The following DAB1 variants were observed in gnomAD, a reference collection of about 807,000 sequenced individuals.
The protein encoded by DAB1 is DAB adaptor protein 1.
Under a neutral mutation model 64.6 loss-of-function variants are expected in DAB1, and 15 were observed. The ratio of observed to expected loss-of-function variants is 0.23; its 90% CI spans 0.16 to 0.36. DAB1 has a LOEUF of 0.36. DAB1 is among the 10% of genes least tolerant of loss of function. The probability of loss-of-function intolerance (pLI) is 1.00; values close to 1 mark genes in which losing one functional copy is unlikely to be tolerated. For missense variants in DAB1, 596 were observed against 706.7 expected, an observed-to-expected ratio of 0.84 and a Z score of 1.78; for synonymous variants, 235 against 251.9, an observed-to-expected ratio of 0.93 and a Z score of 0.64.
chr1:58,019,214 A>C (rs1233077290), intron 5 of DAB1, among the ~76,000 whole-genome samples: 1 of 152,236 alleles, frequency 6.6e-6, no homozygotes, highest in Non-Finnish European at 1.5e-5. Context: ...CTACCAGAGC[A>C]ATTCATATTT....
At chr1:58,330,429 T>C (rs1208762204) in intron 4 of DAB1, among the ~76,000 whole-genome samples, 1 of 152,236 alleles carries the variant, frequency 6.6e-6, no homozygotes, top group Non-Finnish European at 1.5e-5. Context: ...CTGCAGCAAG[T>C]TCTTCAGAAG....
intron 4 of DAB1, among the ~76,000 whole-genome samples, chr1:58,300,620 G>A (rs868378194): frequency 0.013 from 533 of 42,058 alleles, 10 homozygotes; most frequent in East Asian, 0.018. Flanking sequence ...AAGAGAGAGA[G>A]AGAGAGAGAG....
intron 7 of DAB1, among the ~76,000 whole-genome samples, chr1:57,535,487 T>TC (rs1644715749): frequency 7.2e-6 from 1 of 138,534 alleles, no homozygotes; most frequent in Non-Finnish European, 1.5e-5. Context: ...TTTTTTTTTT[T>TC]GGAGACTGTG....
chr1:57,898,318 G>C (rs1644422032), intron 5 of DAB1, among the ~76,000 whole-genome samples: 1 of 152,042 alleles, frequency 6.6e-6, no homozygotes, highest in Admixed American at 6.6e-5. Flanking sequence ...CAATGGCTGG[G>C]ATTTTTCCAT....
intron 6 of DAB1, among the ~76,000 whole-genome samples, chr1:57,651,873 C>T (rs563404344): frequency 1.2e-4 from 19 of 152,248 alleles, no homozygotes; most frequent in Admixed American, 3.3e-4. Flanking sequence ...CATATCAGTG[C>T]GAAAATTACG....
rs1646969702 is a variant in DAB1 at position 57,031,672 on chromosome 1, T to C, written c.724-5629A>G. Among the ~76,000 whole-genome samples, 2 of 152,206 alleles carry C rather than the reference T, an allele frequency of 1.3e-5. 1 individual carries two copies. Among genetic ancestry groups the C allele is most frequent in the Non-Finnish European group, 2.9e-5 (2 of 68,036 alleles). On this transcript the variant is annotated intron_variant, in intron 9 of 14. Coordinates refer to ENST00000371236, the MANE Select transcript of DAB1 (RefSeq NM_001365792.1). ...ATCGATCCATCACTTTACCAAACCT[T>C]AGTTAGCCTTGCTAAATAGTGGAAG... is the stretch of plus-strand genomic sequence containing the variant.
chr1:57,822,983 A>ATTTT (rs71246208), downstream of DAB1, among the ~76,000 whole-genome samples: 1 of 131,280 alleles, frequency 7.6e-6, no homozygotes, highest in African/African-American at 2.9e-5. Flanking sequence ...TAATTTAGGA[A>ATTTT]TTTTTTTTTT....
intron 1 of DAB1, among the ~76,000 whole-genome samples, chr1:57,383,756 T>A (rs1185626259): frequency 6.6e-6 from 1 of 152,182 alleles, no homozygotes; most frequent in East Asian, 1.9e-4. Context: ...AAAAATTACC[T>A]CAAAATGGCT....
At chr1:57,077,535 AT>A (rs1652101225) in intron 4 of DAB1, among the ~76,000 whole-genome samples, 1 of 152,226 alleles carries the variant, frequency 6.6e-6, no homozygotes, top group South Asian at 2.1e-4. Flanking sequence ...ATTCAGGTTA[AT>A]TCATAACATT....
rs549235113 is a variant in DAB1, at chr1:57,302,296, G to T, written c.-136-11130C>A. ...TCCGGATTTGTGAATGTATTTATTG[G>T]AACCATCTCACAAAAACGTAAAAAT... On this transcript the variant is annotated intron_variant, in intron 1 of 14. Transcript: ENST00000371236. Among the ~76,000 whole-genome samples, 4 of 152,086 alleles carry T rather than the reference G, an allele frequency of 2.6e-5. No homozygotes were observed. The East Asian group carries it at 7.7e-4, about 29-fold the overall frequency.
At chr1:57,725,376 C>T (rs1338387744) in intron 6 of DAB1, among the ~76,000 whole-genome samples, 3 of 152,158 alleles carry the variant, frequency 2.0e-5, no homozygotes, top group South Asian at 2.1e-4. Context: ...CCCACCAACC[C>T]GGAGTCGTGA....
intron 6 of DAB1, among the ~76,000 whole-genome samples, chr1:57,809,741 A>G (rs1381685292): frequency 1.3e-5 from 2 of 152,204 alleles, no homozygotes; most frequent in Admixed American, 1.3e-4. Flanking sequence ...ATGGAAAACA[A>G]AAATCTACGA....
intron 6 of DAB1, among the ~76,000 whole-genome samples, chr1:57,719,829 A>T (rs2101756798): frequency 6.6e-6 from 1 of 152,348 alleles, no homozygotes; most frequent in Non-Finnish European, 1.5e-5. Flanking sequence ...GTGAATGAGA[A>T]ATACCATGAG....
intron 1 of DAB1, among the ~76,000 whole-genome samples, chr1:57,400,940 C>T (rs181995697): frequency 3.3e-5 from 5 of 150,226 alleles, no homozygotes; most frequent in African/African-American, 9.8e-5. Context: ...CTTTCCCAGA[C>T]GCCATGCAAA....
intron 3 of DAB1, among the ~76,000 whole-genome samples, chr1:58,420,278 G>T (rs562086688): frequency 6.6e-6 from 1 of 152,242 alleles, no homozygotes; most frequent in East Asian, 1.9e-4. Flanking sequence ...GCTGGCTCCA[G>T]TAATATTCTC....
intron 4 of DAB1, among the ~76,000 whole-genome samples, chr1:58,247,356 C>T (rs1253542828): frequency 6.0e-5 from 9 of 151,256 alleles, no homozygotes; most frequent in African/African-American, 2.2e-4. Context: ...AAAAAAAACA[C>T]CTCCTCCAAA....
chr1:57,831,782 A>G (rs1264589198), intron 1 of DAB1, among the ~76,000 whole-genome samples: 1 of 152,042 alleles, frequency 6.6e-6, no homozygotes, highest in African/African-American at 2.4e-5. Flanking sequence ...GGCTCAAGTA[A>G]TCCTTCAACC....
chr1:58,385,188 A>G (rs1644422844), intron 3 of DAB1, among the ~76,000 whole-genome samples: 2 of 152,226 alleles, frequency 1.3e-5, no homozygotes, highest in Non-Finnish European at 2.9e-5. Context: ...TGGTAGCAGG[A>G]GTGTATACAT....
At chr1:57,016,130 AT>A (rs1428665110) in intron 11 of DAB1, among the ~76,000 whole-genome samples, 2 of 152,250 alleles carry the variant, frequency 1.3e-5, no homozygotes, top group Non-Finnish European at 2.9e-5. Flanking sequence ...CAGGATCAAC[AT>A]TCAGTAAATG....
Sources: allele counts gnomAD v4.1 joint callset (sites outside exome capture counted in the v4.1 genomes callset), GRCh38; gene constraint gnomAD v4.1.1; transcripts MANE v1.5; gene names NCBI Gene and HGNC (gene_info 2026-07-23, HGNC 2026-07-21).